Variants in KDM1B observed in about 807,000 individuals in gnomAD.
The protein encoded by KDM1B is lysine demethylase 1B.
A neutral mutation model predicts 107.4 loss-of-function variants in KDM1B; 63 were observed. The observed-to-expected ratio is 0.59, with a 90% CI of 0.48 to 0.72. The LOEUF (loss-of-function observed/expected upper bound fraction) is 0.72, where lower values mean the gene tolerates loss of function less well. Among genes scored for constraint, KDM1B ranks in the 30% least tolerant of loss-of-function variants. KDM1B has a pLI of 0.00. For missense variants in KDM1B, 749 were observed against 1,020.8 expected, an observed-to-expected ratio of 0.73 and a Z score of 3.63; for synonymous variants, 363 against 363.9, an observed-to-expected ratio of 1.00 and a Z score of 0.03.
intron 20 of KDM1B, among the ~76,000 whole-genome samples, chr6:18,215,657 G>A (rs923664031): frequency 1.3e-5 from 2 of 152,104 alleles, no homozygotes; most frequent in East Asian, 1.9e-4. Context: ...AGGGAGACAC[G>A]GTTCTGCCTG....
intron 3 of KDM1B, among the ~76,000 whole-genome samples, chr6:18,160,950 C>T (rs931802290): frequency 2.7e-5 from 4 of 150,586 alleles, no homozygotes; most frequent in East Asian, 2.0e-4. Context: ...GAGGAGGTCT[C>T]GGTATGTTGC....
At chr6:18,176,171 C>G (rs934744211) in intron 7 of KDM1B, among the ~76,000 whole-genome samples, 5 of 152,070 alleles carry the variant, frequency 3.3e-5, no homozygotes, top group Admixed American at 2.0e-4. Flanking sequence ...TCTTTAGACT[C>G]CTTGGTTAGG....
At position 18,159,097 on chromosome 6, in the gene KDM1B, AG is replaced by A. The variant is rs553845171; in HGVS notation, c.-13-785del. Among the ~76,000 whole-genome samples the A allele has an allele frequency of 2.2e-4, 33 of 152,266 alleles. No homozygotes were observed. The highest frequency in any genetic ancestry group is 7.7e-4 in the African/African-American group (32 of 41,538). On this transcript the variant is annotated intron_variant, in intron 2 of 21. Transcript: ENST00000650836. This position sits in a 1 kb window ranked among gnomAD's most constrained non-coding sequence, Gnocchi z 4.5. The stretch of plus-strand genomic sequence containing the variant: ...ATTCTCCTGCCCCAGCCTCCTGAGT[AG>A]CTGGAATTACAGGCACGCGCCTCCA...
In KDM1B at chr6:18,162,236, G is replaced by T. The variant is rs868048050; in HGVS notation, c.216-599G>T. On this transcript the variant is annotated intron_variant, in intron 4 of 21. Transcript: ENST00000650836. This position sits in a 1 kb window ranked among gnomAD's most constrained non-coding sequence, Gnocchi z 4.1. ...CTCAGGAGGCTGAGGCATGAGAATCGCTTGAACCCAGGAGGCAGAGGTTGC... is the reference window on the plus strand; with the variant it reads ...CTCAGGAGGCTGAGGCATGAGAATCTCTTGAACCCAGGAGGCAGAGGTTGC... Among the ~76,000 whole-genome samples, 4 of 152,112 alleles carry T rather than the reference G, an allele frequency of 2.6e-5. No individual in the cohort carries two copies. The highest frequency in any genetic ancestry group is 9.7e-5 in the African/African-American group (4 of 41,416).
Position 18,201,427 on chromosome 6 carries a change from A to G in KDM1B, c.1360-59A>G. ...AGCTCTGTCTGATTTTCAGCTTAGAACCTGTAAATATTTTTTTCCAGGGAA... is the reference window on the plus strand; with the variant it reads ...AGCTCTGTCTGATTTTCAGCTTAGAGCCTGTAAATATTTTTTTCCAGGGAA... On this transcript the variant is annotated intron_variant, in intron 13 of 21. Coordinates refer to ENST00000650836, the MANE Select transcript of KDM1B (RefSeq NM_001364614.2). This position sits in a 1 kb window ranked among gnomAD's most constrained non-coding sequence, Gnocchi z 4.3. The G allele has an allele frequency of 7.9e-7, 1 of 1,262,022 alleles. No homozygotes were observed. The highest frequency in any genetic ancestry group is 1.5e-5 in the African/African-American group (1 of 66,568). The allele number at this position is 1,262,022 out of a possible 1,614,324, so 78.2% of individuals were successfully genotyped here. A position where few individuals can be genotyped will look rare whatever the true frequency, so the allele number is the denominator to read the frequency against.
chr6:18,183,608 C>T (rs1024539538), intron 7 of KDM1B, among the ~76,000 whole-genome samples: 12 of 151,950 alleles, frequency 7.9e-5, no homozygotes, highest in Non-Finnish European at 1.5e-4. Flanking sequence ...AGGGTTAATA[C>T]GTATTTCTGA....
Position 18,205,246 on chromosome 6 carries a change from C to T in KDM1B, c.1532-291C>T, listed in dbSNP as rs139278815. ...AAGAGGAAACCACTTCTCAACGAAG[C>T]GAAATTGAGACGTTTCTGAAGATAT... On this transcript the variant is annotated intron_variant, in intron 14 of 21. Coordinates refer to ENST00000650836, the MANE Select transcript of KDM1B (RefSeq NM_001364614.2). This position sits in a 1 kb window ranked among gnomAD's most constrained non-coding sequence, Gnocchi z 5.7. Among the ~76,000 whole-genome samples the T allele has an allele frequency of 6.6e-4, 100 of 152,064 alleles. 5 individuals carry two copies. In the East Asian group the frequency reaches 0.018, roughly 28 times the overall value.
rs560602631 is a variant in KDM1B, at chr6:18,174,785, G to A, written c.534+3306G>A. Among the ~76,000 whole-genome samples, 27 of 152,252 alleles carry A rather than the reference G, an allele frequency of 1.8e-4. No individual in the cohort carries two copies. The East Asian group carries it at 4.4e-3, about 25-fold the overall frequency. On this transcript the variant is annotated intron_variant, in intron 7 of 21. Transcript: ENST00000650836. ...TCTCATCCAGGTTGCTGCAAATGCC[G>A]TTAATTCATTCCTTTTCATGGCTGA...
chr6:18,208,052 C>T, intron 16 of KDM1B, 80 bp from the exon 17 acceptor site: 1 of 1,004,952 alleles, frequency 1.0e-6, no homozygotes, highest in Non-Finnish European at 1.6e-6. Context: ...GATGTAAATT[C>T]ATGTAATATG....
Position 18,205,862 on chromosome 6 carries a change from C to T in KDM1B, c.1659+198C>T, listed in dbSNP as rs986083082. On this transcript the variant is annotated intron_variant, in intron 15 of 21. Transcript: ENST00000650836. This position sits in a 1 kb window ranked among gnomAD's most constrained non-coding sequence, Gnocchi z 5.7. ...AAAAAATTAGCCAGGCCTGGTGGCG[C>T]ATACCTGTAGTCCCAGCTACTCGGG... Among the ~76,000 whole-genome samples, 5 of 152,112 alleles carry T rather than the reference C, an allele frequency of 3.3e-5. No homozygotes were observed. The highest frequency in any genetic ancestry group is 1.2e-4 in the African/African-American group (5 of 41,426).
At chr6:18,198,511 G>A (rs914254297) in intron 12 of KDM1B, among the ~76,000 whole-genome samples, 3 of 151,712 alleles carry the variant, frequency 2.0e-5, no homozygotes, top group Non-Finnish European at 2.9e-5. Context: ...TTACAGGTGC[G>A]AGCCACTGTG....
At chr6:18,221,065 C>A (rs1231161606) in intron 21 of KDM1B, among the ~76,000 whole-genome samples, 2 of 151,584 alleles carry the variant, frequency 1.3e-5, no homozygotes, top group African/African-American at 4.8e-5. Context: ...ATTTCTGAGG[C>A]TTCCTTCCCT....
chr6:18,190,791 T>C (rs1341041359), intron 9 of KDM1B, among the ~76,000 whole-genome samples: 2 of 151,618 alleles, frequency 1.3e-5, no homozygotes, highest in East Asian at 3.9e-4. Context: ...TCCCAGCTAC[T>C]CAAGAAGCTG....
At chr6:18,215,889 T>G (rs1374089845) in intron 20 of KDM1B, among the ~76,000 whole-genome samples, 1 of 152,142 alleles carries the variant, frequency 6.6e-6, no homozygotes. Context: ...ATGCAGATAG[T>G]CTCTTTTCTC....
Position 18,207,482 on chromosome 6 carries a change from A to G in KDM1B, c.1744A>G (p.Ile582Val), listed in dbSNP as rs1222473076. 8 of 1,614,112 alleles carry G rather than the reference A, an allele frequency of 5.0e-6. No individual in the cohort carries two copies. Among genetic ancestry groups the G allele is most frequent in the South Asian group, 4.4e-5 (4 of 91,096 alleles). ...TCTGCTAACTCCCGGGTACTCGGTG[A>G]TAATTGAAAAACTGGCAGAAGGGCT... ...HTLLTPGYSV[I>V]IEKLAEGLDI... Residue 582 changes from isoleucine to valine, a missense_variant, in exon 16 of 22, where the codon ATA (isoleucine) becomes GTA (valine). By Grantham distance (29) the Ile-to-Val change is conservative. Coordinates refer to ENST00000650836, the MANE Select transcript of KDM1B (RefSeq NM_001364614.2).
chr6:18,201,378 A>C lies in KDM1B; in HGVS notation c.1360-108A>C. ...GCATATTTAGCTTTATTTTTGAGAG[A>C]TATGAGACCATTTTCTCCATGAGAG... On this transcript the variant is annotated intron_variant, in intron 13 of 21. Transcript: ENST00000650836. The surrounding 1 kb of genome is among the most constrained non-coding windows in gnomAD (Gnocchi z 4.3). 2 of 758,364 alleles carry C rather than the reference A, an allele frequency of 2.6e-6. No homozygotes were observed. The highest frequency in any genetic ancestry group is 2.1e-6 in the Non-Finnish European group (1 of 474,030). 47.0% of individuals were successfully genotyped at this position (758,364 alleles called of 1,614,324 possible).
rs1030597623 is a variant in KDM1B at position 18,172,459 on chromosome 6, C to T, written c.534+980C>T. ...CCCTAGTCTGAAAATCTGAAATGTTCCAAAATCTGAAACTTTTTGAGCTCT... is the reference window on the plus strand; with the variant it reads ...CCCTAGTCTGAAAATCTGAAATGTTTCAAAATCTGAAACTTTTTGAGCTCT... On this transcript the variant is annotated intron_variant, in intron 7 of 21. Transcript: ENST00000650836. This position sits in a 1 kb window ranked among gnomAD's most constrained non-coding sequence, Gnocchi z 5.2. 8.5e-5 allele frequency among the ~76,000 whole-genome samples: 13 copies of T among 152,070 alleles called. No individual in the cohort carries two copies. The highest frequency in any genetic ancestry group is 8.5e-4 in the Admixed American group (13 of 15,252).
At position 18,187,894 on chromosome 6, in the gene KDM1B, G is replaced by T. The variant is rs1310964237; in HGVS notation, c.676G>T (p.Asp226Tyr). Residue 226 changes from aspartate (D) to tyrosine (Y), a missense_variant, in exon 9 of 22, where the codon GAC (aspartate) becomes TAC (tyrosine). By Grantham distance (160) the Asp-to-Tyr change is radical. Coordinates refer to ENST00000650836, the MANE Select transcript of KDM1B (RefSeq NM_001364614.2). Reference sequence around the variant, plus strand: ...GCCCCTGCTGTCTGCCTACTACCCTGACTGTGTTGGCATGAGCCCCTCCTG... The same window carrying T: ...GCCCCTGCTGTCTGCCTACTACCCTTACTGTGTTGGCATGAGCCCCTCCTG... ...AAPLLSAYYP[D>Y]CVGMSPSCTS... The T allele has an allele frequency of 6.5e-7, 1 of 1,550,242 alleles. No individual in the cohort carries two copies. Among genetic ancestry groups the T allele is most frequent in the Non-Finnish European group, 8.7e-7 (1 of 1,146,848 alleles).
At position 18,183,258 on chromosome 6, in the gene KDM1B, G is replaced by GTTTTTTT. The variant is rs34558185; in HGVS notation, c.535-2494_535-2488dup. The stretch of plus-strand genomic sequence containing the variant: ...GTAAACAATGTCCTGAATTTTGTGG[G>GTTTTTTT]TTTTTTTTTTTTTTTTTTTTTTTTT... On this transcript the variant is annotated intron_variant, in intron 7 of 21. Coordinates refer to ENST00000650836, the MANE Select transcript of KDM1B (RefSeq NM_001364614.2). Among the ~76,000 whole-genome samples, 15 of 61,430 alleles carry GTTTTTTT rather than the reference G, an allele frequency of 2.4e-4. 2 individuals carry two copies. Among genetic ancestry groups the GTTTTTTT allele is most frequent in the African/African-American group, 8.6e-4 (14 of 16,284 alleles). 40.3% of individuals were successfully genotyped at this position (61,430 alleles called of 152,430 possible).
Sources: allele counts gnomAD v4.1 joint callset (sites outside exome capture counted in the v4.1 genomes callset), GRCh38; gene constraint gnomAD v4.1.1; non-coding constraint Gnocchi (gnomAD v3.1); transcripts MANE v1.5; gene names NCBI Gene and HGNC (gene_info 2026-07-23, HGNC 2026-07-21).